CDH13: variants seen among roughly 807,000 people sequenced by gnomAD.
CDH13 encodes cadherin-13.
A neutral mutation model predicts 63.8 loss-of-function variants in CDH13; 24 were observed. That is an observed-to-expected ratio of 0.38 (90% CI 0.27 to 0.53). The LOEUF (loss-of-function observed/expected upper bound fraction) is 0.53. Among genes scored for constraint, CDH13 ranks in the 20% least tolerant of loss-of-function variants. CDH13 has a pLI of 0.85. For missense variants in CDH13, 1,049 were observed against 903.1 expected, an observed-to-expected ratio of 1.16 and a Z score of -2.07; for synonymous variants, 503 against 355.3, an observed-to-expected ratio of 1.42 and a Z score of -4.67.
chr16:82,675,395 A>C (rs1181003262), intron 1 of CDH13, among the ~76,000 whole-genome samples: 1 of 152,172 alleles, frequency 6.6e-6, no homozygotes, highest in Non-Finnish European at 1.5e-5. Context: ...GGAATGTCAA[A>C]CTGATGGAAG....
intron 7 of CDH13, among the ~76,000 whole-genome samples, chr16:83,503,375 G>A (rs370673356): frequency 1.3e-4 from 20 of 152,262 alleles, no homozygotes; most frequent in Non-Finnish European, 2.2e-4. Context: ...AGAGAGATTC[G>A]GATGGGGTGG....
chr16:83,210,355 G>T (rs1033188668), intron 4 of CDH13, among the ~76,000 whole-genome samples: 1 of 151,972 alleles, frequency 6.6e-6, no homozygotes, highest in Non-Finnish European at 1.5e-5. Context: ...ATGAGCCACT[G>T]TGCCAGGCCG....
At chr16:83,652,565 T>C (rs1912483302) in intron 8 of CDH13, among the ~76,000 whole-genome samples, 1 of 151,378 alleles carries the variant, frequency 6.6e-6, no homozygotes, top group African/African-American at 2.5e-5. Context: ...GACAAGGCTC[T>C]CATTGTACCC....
intron 4 of CDH13, among the ~76,000 whole-genome samples, chr16:83,171,246 G>C (rs1034394987): frequency 2.0e-5 from 3 of 152,036 alleles, no homozygotes; most frequent in Admixed American, 2.0e-4. Context: ...CAGGGCAAGA[G>C]AATGGGGTGG....
chr16:83,341,858 G>C (rs113562999), intron 5 of CDH13, among the ~76,000 whole-genome samples: 1 of 151,936 alleles, frequency 6.6e-6, no homozygotes, highest in Non-Finnish European at 1.5e-5. Context: ...CTATTCCTGC[G>C]GTCTAGAAAT....
At chr16:83,412,003 A>C (rs549613213) in intron 6 of CDH13, among the ~76,000 whole-genome samples, 2 of 152,288 alleles carry the variant, frequency 1.3e-5, no homozygotes, top group South Asian at 2.1e-4. Flanking sequence ...ACAGTGTGCT[A>C]AGTTTAGGTT....
chr16:83,710,801 G>C (rs1907923307), intron 10 of CDH13, among the ~76,000 whole-genome samples: 2 of 152,212 alleles, frequency 1.3e-5, no homozygotes, highest in African/African-American at 4.8e-5. Flanking sequence ...GGCTGTTTAT[G>C]CTTGTTATTC....
intron 6 of CDH13, among the ~76,000 whole-genome samples, chr16:83,411,069 C>T (rs572069190): frequency 1.1e-4 from 16 of 152,322 alleles, no homozygotes; most frequent in Non-Finnish European, 1.5e-4. Flanking sequence ...CCATAGCGGT[C>T]GTGGTCCACA....
At chr16:83,460,876 T>C (rs1223030722) in intron 6 of CDH13, among the ~76,000 whole-genome samples, 1 of 149,330 alleles carries the variant, frequency 6.7e-6, no homozygotes, top group Non-Finnish European at 1.5e-5. Flanking sequence ...TGGCGGCCCA[T>C]GCCTATGGTC....
At chr16:83,455,627 A>G (rs7188438) in intron 6 of CDH13, among the ~76,000 whole-genome samples, 44 of 152,130 alleles carry the variant, frequency 2.9e-4, no homozygotes, top group African/African-American at 1.0e-3. Flanking sequence ...GCTTTCTGGT[A>G]TCCGTCAATC....
chr16:82,970,456 G>A (rs915957179), intron 2 of CDH13, among the ~76,000 whole-genome samples: 1 of 107,400 alleles, frequency 9.3e-6, no homozygotes, highest in Non-Finnish European at 2.1e-5. Flanking sequence ...GCGGACTGCA[G>A]TGGCGCAATC....
chr16:83,482,961 G>C (rs1356554475), intron 6 of CDH13, among the ~76,000 whole-genome samples: 1 of 152,194 alleles, frequency 6.6e-6, no homozygotes, highest in Non-Finnish European at 1.5e-5. Context: ...CCAGGACAGA[G>C]TTGGATAATG....
At chr16:83,321,307 G>A (rs1315625104) in intron 5 of CDH13, among the ~76,000 whole-genome samples, 2 of 152,120 alleles carry the variant, frequency 1.3e-5, no homozygotes, top group Non-Finnish European at 2.9e-5. Flanking sequence ...GAAAGCTCGT[G>A]GCAATGTGTA....
At chr16:82,932,957 G>A (rs2042546393) in intron 2 of CDH13, among the ~76,000 whole-genome samples, 2 of 152,130 alleles carry the variant, frequency 1.3e-5, no homozygotes, top group South Asian at 4.2e-4. Context: ...ATAAATGAAA[G>A]CAAGGGTTAG....
At chr16:82,757,154 C>G (rs4782728) in intron 1 of CDH13, among the ~76,000 whole-genome samples, 1 of 152,126 alleles carries the variant, frequency 6.6e-6, no homozygotes, top group African/African-American at 2.4e-5. Flanking sequence ...GTATTGTATC[C>G]TATCTACTCT....
intron 6 of CDH13, among the ~76,000 whole-genome samples, chr16:83,457,341 C>T (rs535562133): frequency 2.6e-5 from 4 of 152,176 alleles, no homozygotes; most frequent in Non-Finnish European, 5.9e-5. Context: ...TATTGATCAC[C>T]ATGGTGGGCA....
At chr16:83,372,175 G>A (rs1335829851) in intron 6 of CDH13, among the ~76,000 whole-genome samples, 1 of 152,146 alleles carries the variant, frequency 6.6e-6, no homozygotes, top group Non-Finnish European at 1.5e-5. Context: ...TTGTATGGGA[G>A]GTTCTGTAAC....
At chr16:83,782,277 C>G (rs1915580605) in intron 12 of CDH13, among the ~76,000 whole-genome samples, 1 of 152,208 alleles carries the variant, frequency 6.6e-6, no homozygotes, top group East Asian at 1.9e-4. Flanking sequence ...AAAGAATAGG[C>G]CAGCTGGTGC....
chr16:83,631,111 G>C (rs17766794), intron 8 of CDH13, among the ~76,000 whole-genome samples: 16,592 of 152,228 alleles, frequency 0.11, 936 homozygotes, highest in Admixed American at 0.13. Flanking sequence ...CATGGTTCTA[G>C]TGAATGTAAG....
Sources: gnomAD v4.1 joint callset for allele counts (sites outside exome capture counted in the v4.1 genomes callset) on GRCh38, gnomAD v4.1.1 for gene constraint, MANE v1.5 for transcripts, NCBI Gene and HGNC (gene_info 2026-07-23, HGNC 2026-07-21) for gene names.